Variants in MAPKAP1 observed in about 807,000 individuals in gnomAD.
The protein encoded by MAPKAP1 is MAPK associated protein 1.
In MAPKAP1, 20 loss-of-function variants were observed where a neutral mutation model predicts 65.7. The observed-to-expected ratio is 0.30, with a 90% CI of 0.21 to 0.44. The LOEUF (loss-of-function observed/expected upper bound fraction) is 0.44, where lower values mean the gene tolerates loss of function less well. Ranked by LOEUF, MAPKAP1 falls within the 20% of genes least tolerant of loss-of-function variation. The probability of loss-of-function intolerance (pLI) is 1.00; values close to 1 mark genes in which losing one functional copy is unlikely to be tolerated. For missense variants in MAPKAP1, 423 were observed against 648.0 expected, an observed-to-expected ratio of 0.65 and a Z score of 3.77; for synonymous variants, 222 against 244.3, an observed-to-expected ratio of 0.91 and a Z score of 0.85.
At chr9:125,666,611 A>G (rs1834346920) in intron 3 of MAPKAP1, among the ~76,000 whole-genome samples, 2 of 152,322 alleles carry the variant, frequency 1.3e-5, no homozygotes, top group South Asian at 4.1e-4. Flanking sequence ...TGGGCAACAC[A>G]GTGAGACCCC....
chr9:125,591,463 T>C (rs529134334), intron 4 of MAPKAP1, among the ~76,000 whole-genome samples: 1 of 151,866 alleles, frequency 6.6e-6, no homozygotes, highest in Non-Finnish European at 1.5e-5. Flanking sequence ...CAGAGTATAC[T>C]CCTCTATTTA....
At chr9:125,683,350 T>C (rs575615835) in intron 1 of MAPKAP1, among the ~76,000 whole-genome samples, 33 of 152,320 alleles carry the variant, frequency 2.2e-4, no homozygotes, top group African/African-American at 7.5e-4. Flanking sequence ...GCAAAGGTGA[T>C]GGGACAGTCA....
intron 7 of MAPKAP1, among the ~76,000 whole-genome samples, chr9:125,523,907 C>T (rs936597052): frequency 5.3e-5 from 8 of 152,278 alleles, no homozygotes; most frequent in African/African-American, 1.9e-4. Context: ...GCTGTGGGGG[C>T]CAGATCCTTC....
At chr9:125,487,868 C>T (rs1854548763) in intron 8 of MAPKAP1, among the ~76,000 whole-genome samples, 1 of 152,078 alleles carries the variant, frequency 6.6e-6, no homozygotes, top group Admixed American at 6.5e-5. Context: ...TTTAATACAC[C>T]AGCTAATGTA....
At chr9:125,460,578 T>C (rs888088389) in intron 10 of MAPKAP1, among the ~76,000 whole-genome samples, 1 of 152,174 alleles carries the variant, frequency 6.6e-6, no homozygotes, top group Non-Finnish European at 1.5e-5. Context: ...TCTTACCAAC[T>C]ATCTGGGGGT....
chr9:125,669,427 C>A (rs1218116014), intron 3 of MAPKAP1, among the ~76,000 whole-genome samples: 6 of 152,106 alleles, frequency 3.9e-5, no homozygotes. Flanking sequence ...CTGCAGTGAG[C>A]CAAGACCGTG....
At chr9:125,558,974 C>T (rs998101405) in intron 6 of MAPKAP1, 1 of 152,228 alleles carries the variant, frequency 6.6e-6, no homozygotes, top group African/African-American at 2.4e-5. Context: ...CATTTATGCT[C>T]ATCACCGCTT....
chr9:125,446,997 G>T (rs1476993956), intron 10 of MAPKAP1, among the ~76,000 whole-genome samples: 1 of 152,174 alleles, frequency 6.6e-6, no homozygotes, highest in African/African-American at 2.4e-5. Context: ...GGACTATGGT[G>T]CTTGTGAAGC....
intron 7 of MAPKAP1, chr9:125,521,406 C>T: frequency 1.0e-6 from 1 of 959,018 alleles, no homozygotes; most frequent in Non-Finnish European, 1.3e-6. Context: ...TAACTTGAGT[C>T]ACTGTGACAA....
intron 1 of MAPKAP1, among the ~76,000 whole-genome samples, chr9:125,697,875 T>C (rs930062770): frequency 1.3e-5 from 2 of 151,536 alleles, no homozygotes; most frequent in African/African-American, 4.9e-5. Flanking sequence ...AGTATTTTCA[T>C]CAAATCCTTA....
intron 10 of MAPKAP1, among the ~76,000 whole-genome samples, chr9:125,455,288 G>A (rs1853123022): frequency 6.6e-6 from 1 of 152,030 alleles, no homozygotes; most frequent in African/African-American, 2.4e-5. Context: ...TATATAATAA[G>A]TGTAGACACA....
At chr9:125,704,801 T>C (rs902611926) in intron 1 of MAPKAP1, among the ~76,000 whole-genome samples, 2 of 152,206 alleles carry the variant, frequency 1.3e-5, no homozygotes, top group Admixed American at 1.3e-4. Context: ...ATTATACCTT[T>C]GTATCTTATA....
chr9:125,665,460 A>G (rs1564608521), intron 3 of MAPKAP1, among the ~76,000 whole-genome samples: 1 of 150,200 alleles, frequency 6.7e-6, no homozygotes, highest in Non-Finnish European at 1.5e-5. Context: ...CCCACCCTTG[A>G]GAATGTACTT....
chr9:125,571,091 A>T (rs1218862021), intron 5 of MAPKAP1, among the ~76,000 whole-genome samples: 1 of 152,236 alleles, frequency 6.6e-6, no homozygotes, highest in Non-Finnish European at 1.5e-5. Context: ...AAAATCATAC[A>T]TTATCAAATG....
chr9:125,506,493 T>C, intron 7 of MAPKAP1, 76 bp from the exon 8 acceptor site: 1 of 1,187,134 alleles, frequency 8.4e-7, no homozygotes, highest in South Asian at 1.2e-5. Context: ...CACCACATAC[T>C]GGTGAAAAGC....
intron 4 of MAPKAP1, among the ~76,000 whole-genome samples, chr9:125,587,292 G>A (rs181040334): frequency 3.9e-5 from 6 of 152,114 alleles, no homozygotes; most frequent in African/African-American, 1.4e-4. Context: ...TAGGCCAGGC[G>A]CAGTGGCTCA....
intron 1 of MAPKAP1, among the ~76,000 whole-genome samples, chr9:125,700,129 T>C (rs989103227): frequency 4.4e-4 from 67 of 152,374 alleles, no homozygotes; most frequent in African/African-American, 1.4e-3. Flanking sequence ...CAAAGCCCCA[T>C]GTCACACTGC....
chr9:125,683,202 C>T (rs193237595), intron 1 of MAPKAP1, among the ~76,000 whole-genome samples: 4 of 152,138 alleles, frequency 2.6e-5, no homozygotes, highest in African/African-American at 9.7e-5. Flanking sequence ...AGGCGATCCA[C>T]CCACCTCAGC....
At position 125,473,368 on chromosome 9, in the gene MAPKAP1, C is replaced by T. The variant is rs556788440; in HGVS notation, c.1208-5259G>A. ...CCCTAACCACTTATCCACAGCCATCCGTCATGACCTTTTCATGCTCCCACT... is the reference window on the plus strand; with the variant it reads ...CCCTAACCACTTATCCACAGCCATCTGTCATGACCTTTTCATGCTCCCACT... On this transcript the variant is annotated intron_variant, in intron 9 of 11. Transcript: ENST00000265960. Among the ~76,000 whole-genome samples the T allele has an allele frequency of 3.3e-5, 5 of 152,228 alleles. No homozygotes were observed. The East Asian group carries it at 9.7e-4, about 29-fold the overall frequency.
Sources: allele counts gnomAD v4.1 joint callset (sites outside exome capture counted in the v4.1 genomes callset), GRCh38; gene constraint gnomAD v4.1.1; transcripts MANE v1.5; gene names NCBI Gene and HGNC (gene_info 2026-07-23, HGNC 2026-07-21).